WAC: variants seen among roughly 807,000 people sequenced by gnomAD.
WAC encodes the protein WW domain-containing adapter protein with coiled-coil.
WAC carries 11 observed loss-of-function variants against 79.6 expected under a neutral mutation model. The observed-to-expected ratio is 0.14, with a 90% CI of 0.09 to 0.23. The LOEUF (loss-of-function observed/expected upper bound fraction) is 0.23, where lower values mean the gene tolerates loss of function less well. Ranked by LOEUF, WAC falls within the 10% of genes least tolerant of loss-of-function variation. The pLI is 1.00. For synonymous variants in WAC, 304 were observed against 276.9 expected, an observed-to-expected ratio of 1.10 and a Z score of -0.97; for missense variants, 728 against 773.5, an observed-to-expected ratio of 0.94 and a Z score of 0.70.
chr10:28,563,124 C>G (rs970567805), intron 3 of WAC, among the ~76,000 whole-genome samples: 1 of 151,982 alleles, frequency 6.6e-6, no homozygotes, highest in African/African-American at 2.4e-5. Context: ...AGGGTGGTCT[C>G]GAACTCCTGA....
chr10:28,579,991 C>T (rs1162683051), intron 3 of WAC, among the ~76,000 whole-genome samples: 1 of 152,100 alleles, frequency 6.6e-6, no homozygotes, highest in Non-Finnish European at 1.5e-5. Context: ...TATTCTTAGT[C>T]TTTCAGAAAA....
At chr10:28,559,027 C>T (rs539875384) in intron 3 of WAC, among the ~76,000 whole-genome samples, 1 of 152,126 alleles carries the variant, frequency 6.6e-6, no homozygotes, top group South Asian at 2.1e-4. Flanking sequence ...GTAATATTTT[C>T]CATGAGACAC....
At chr10:28,541,702 T>G (rs1837061738) in intron 3 of WAC, among the ~76,000 whole-genome samples, 1 of 152,168 alleles carries the variant, frequency 6.6e-6, no homozygotes. Flanking sequence ...CTGATGAAAT[T>G]ATAAAGTATT....
intron 3 of WAC, among the ~76,000 whole-genome samples, chr10:28,574,617 T>G (rs1046412494): frequency 2.6e-5 from 4 of 151,988 alleles, no homozygotes; most frequent in African/African-American, 9.7e-5. Flanking sequence ...TAATTTTTTG[T>G]ATTTTTAGTA....
At chr10:28,546,141 CAG>C (rs1837337811) in intron 3 of WAC, among the ~76,000 whole-genome samples, 1 of 152,140 alleles carries the variant, frequency 6.6e-6, no homozygotes, top group African/African-American at 2.4e-5. Flanking sequence ...CTTTGTATGA[CAG>C]TGCCAAAAGA....
rs1044500549 is a variant in WAC at position 28,621,117 on chromosome 10, A to G, written c.*1511A>G. The G allele has an allele frequency of 2.6e-5, 4 of 151,974 alleles. No homozygotes were observed. The highest frequency in any genetic ancestry group is 4.4e-5 in the Non-Finnish European group (3 of 68,006). 9.4% of individuals were successfully genotyped at this position (151,974 alleles called of 1,614,324 possible). On this transcript the variant is annotated 3_prime_UTR_variant, in exon 14 of 14. Coordinates refer to ENST00000354911, the MANE Select transcript of WAC (RefSeq NM_016628.5). ...GAAAAAAATCTTTTCTTCCCCCACA[A>G]AAAAACCTTTACCATCAAAATCTTG...
intron 3 of WAC, among the ~76,000 whole-genome samples, chr10:28,582,576 A>G (rs1589194933): frequency 6.6e-6 from 1 of 151,954 alleles, no homozygotes; most frequent in African/African-American, 2.4e-5. Flanking sequence ...ATCACTTACT[A>G]AAAAAAATAC....
At chr10:28,610,301 T>C (rs1044194143) in intron 8 of WAC, among the ~76,000 whole-genome samples, 2 of 152,110 alleles carry the variant, frequency 1.3e-5, no homozygotes, top group Non-Finnish European at 2.9e-5. Flanking sequence ...CCAGCTTGTC[T>C]AAAAGGGCAA....
intron 7 of WAC, among the ~76,000 whole-genome samples, chr10:28,600,840 A>G (rs2132741545): frequency 6.6e-6 from 1 of 152,284 alleles, no homozygotes; most frequent in East Asian, 1.9e-4. Context: ...ATACATAAAA[A>G]GATACATACA....
intron 7 of WAC, among the ~76,000 whole-genome samples, chr10:28,605,789 C>CT (rs1840911808): frequency 4.6e-5 from 7 of 152,130 alleles, no homozygotes; most frequent in Admixed American, 4.6e-4. Flanking sequence ...ACACCTTGCA[C>CT]TTTCTTCTCC....
Position 28,621,088 on chromosome 10 carries a change from GCATGAAAAAAATCTTTTCTTCCCC to G in WAC, c.*1485_*1508del, listed in dbSNP as rs765543132. On this transcript the variant is annotated 3_prime_UTR_variant, in exon 14 of 14. Coordinates refer to ENST00000354911, the MANE Select transcript of WAC (RefSeq NM_016628.5). The stretch of plus-strand genomic sequence containing the variant: ...AATGTATCAAATCACAAGGGTTTCC[GCATGAAAAAAATCTTTTCTTCCCC>G]CACAAAAAAACCTTTACCATCAAAA... 5.0e-4 allele frequency: 75 copies of G among 150,858 alleles called. No homozygotes were observed. Among genetic ancestry groups the G allele is most frequent in the Non-Finnish European group, 6.8e-4 (46 of 67,842 alleles). 9.3% of individuals were successfully genotyped at this position (150,858 alleles called of 1,614,324 possible).
At position 28,578,290 on chromosome 10, in the gene WAC, GCT is replaced by G. The variant is rs1306544194; in HGVS notation, c.275-5108_275-5107del. On this transcript the variant is annotated intron_variant, in intron 3 of 13. Transcript: ENST00000354911. ...CTGAGCTTTATTCAGTCCTATTTTT[GCT>G]TTTGTCTGAAAGCAATATGAGATGG... Among the ~76,000 whole-genome samples the G allele has an allele frequency of 3.3e-5, 5 of 152,120 alleles. No homozygotes were observed. The East Asian group carries it at 7.7e-4, about 24-fold the overall frequency.
intron 10 of WAC, among the ~76,000 whole-genome samples, chr10:28,612,507 A>T (rs1841289823): frequency 6.6e-6 from 1 of 152,226 alleles, no homozygotes; most frequent in African/African-American, 2.4e-5. Flanking sequence ...CCATAGGTGC[A>T]GTTAGAAAAT....
intron 4 of WAC, chr10:28,588,690 A>G (rs1454404321): frequency 2.0e-5 from 3 of 152,168 alleles, no homozygotes; most frequent in Non-Finnish European, 4.4e-5. Context: ...AGTATAGTAC[A>G]TTATTTCATT....
chr10:28,547,780 A>G lies in WAC; in HGVS notation c.274+12023A>G, dbSNP rs554499673. Among the ~76,000 whole-genome samples the G allele has an allele frequency of 3.5e-4, 53 of 152,202 alleles. No individual in the cohort carries two copies. The East Asian group carries it at 6.7e-3, about 19-fold the overall frequency. Reference sequence around the variant, plus strand: ...ATTTACTCTCCTACCCAGCTTGAAAATTTAGAGTTTTTCCTTCTTTATCCT... The same window carrying G: ...ATTTACTCTCCTACCCAGCTTGAAAGTTTAGAGTTTTTCCTTCTTTATCCT... On this transcript the variant is annotated intron_variant, in intron 3 of 13. Coordinates refer to ENST00000354911, the MANE Select transcript of WAC (RefSeq NM_016628.5).
chr10:28,568,514 A>G (rs1343367917), intron 3 of WAC, among the ~76,000 whole-genome samples: 2 of 151,354 alleles, frequency 1.3e-5, no homozygotes, highest in Admixed American at 6.6e-5. Flanking sequence ...CTGAGTAGCT[A>G]GGATTACAGG....
At chr10:28,611,970 G>T in intron 10 of WAC, 48 bp downstream of exon 10, 1 of 1,593,232 alleles carries the variant, frequency 6.3e-7, no homozygotes, top group South Asian at 1.1e-5. Flanking sequence ...CTTACTTTTG[G>T]AAAGTCAATA....
chr10:28,559,984 A>G (rs878890498), intron 3 of WAC, among the ~76,000 whole-genome samples: 7 of 152,146 alleles, frequency 4.6e-5, no homozygotes, highest in Admixed American at 1.3e-4. Context: ...GGTAATGACA[A>G]TAGATGTAAT....
intron 10 of WAC, 84 bp from the exon 11 acceptor site, chr10:28,614,483 A>G (rs1841391282): frequency 3.6e-6 from 4 of 1,114,874 alleles, no homozygotes; most frequent in African/African-American, 1.5e-5. Flanking sequence ...CACATTTTAC[A>G]TGTTTCAAGA....
Sources: allele counts gnomAD v4.1 joint callset (sites outside exome capture counted in the v4.1 genomes callset), GRCh38; gene constraint gnomAD v4.1.1; transcripts MANE v1.5; gene names NCBI Gene and HGNC (gene_info 2026-07-23, HGNC 2026-07-21).